SOCS4: variants seen among roughly 807,000 people sequenced by gnomAD.
SOCS4 encodes the protein SH2 domain containing SOCS box protein.
Under a neutral mutation model 34.1 loss-of-function variants are expected in SOCS4, and 20 were observed. The observed-to-expected ratio is 0.59, with a 90% CI of 0.41 to 0.85. SOCS4 has a LOEUF of 0.85. Among genes scored for constraint, SOCS4 ranks in the 40% least tolerant of loss-of-function variants. SOCS4 has a pLI of 0.00. For missense variants in SOCS4, 479 were observed against 532.4 expected (o/e 0.90, Z 0.99); for synonymous variants, 180 against 186.4 (o/e 0.97, Z 0.28).
rs756479931 is a variant in SOCS4, at chr14:55,043,488, A to G, written c.447A>G (p.Arg149=). Residue 149 remains arginine, a synonymous_variant, in exon 3 of 3, where the codon CGA becomes CGG. Transcript: ENST00000555846. ...CCTTTAGGTGGCATTTTATTAAACG[A>G]CACACTGCTCCTATAAATTCCAAAT... ...DLAFRWHFIK[R]HTAPINSKSD... 1 of 1,614,194 alleles carries G rather than the reference A, an allele frequency of 6.2e-7. No individual in the cohort carries two copies. Among genetic ancestry groups the G allele is most frequent in the Non-Finnish European group, 8.5e-7 (1 of 1,180,040 alleles).
chr14:55,043,730 C>G lies in SOCS4; in HGVS notation c.689C>G (p.Ser230Cys), dbSNP rs1328144796. Residue 230 changes from serine to cysteine, a missense_variant, in exon 3 of 3, where the codon TCC (serine) becomes TGC (cysteine). Transcript: ENST00000555846. ...AGTATAGAAGATAGTGATATGGATT[C>G]CGATGATGAAATTCTAACACTTTGC... The part of the protein sequence containing the change: ...NNSIEDSDMD[S>C]DDEILTLCTS... 2 of 1,613,902 alleles carry G rather than the reference C, an allele frequency of 1.2e-6. No individual in the cohort carries two copies. The highest frequency in any genetic ancestry group is 2.7e-5 in the African/African-American group (2 of 74,874).
chr14:55,028,484 A>G (rs949469309), intron 1 of SOCS4, among the ~76,000 whole-genome samples: 5 of 152,084 alleles, frequency 3.3e-5, no homozygotes, highest in Admixed American at 1.3e-4. Flanking sequence ...TCAAGTAACA[A>G]TATCATTGGC....
At chr14:55,036,332 G>C (rs2042572093) in intron 2 of SOCS4, among the ~76,000 whole-genome samples, 1 of 151,786 alleles carries the variant, frequency 6.6e-6, no homozygotes, top group Admixed American at 6.6e-5. Flanking sequence ...TTTAGTCCTG[G>C]GACATTTTCT....
intron 2 of SOCS4, among the ~76,000 whole-genome samples, chr14:55,038,865 T>TA (rs1388276656): frequency 6.6e-6 from 1 of 152,254 alleles, no homozygotes; most frequent in Non-Finnish European, 1.5e-5. Context: ...TTATCTGTGT[T>TA]ACCTCTGTGC....
Position 55,043,734 on chromosome 14 carries a change from T to C in SOCS4, c.693T>C (p.Asp231=). 4.3e-6 allele frequency: 7 copies of C among 1,614,110 alleles called. No homozygotes were observed. The South Asian group carries it at 5.5e-5, about 13-fold the overall frequency. Residue 231 remains aspartate, a synonymous_variant, in exon 3 of 3, where the codon GAT becomes GAC. Transcript: ENST00000555846. ...TAGAAGATAGTGATATGGATTCCGA[T>C]GATGAAATTCTAACACTTTGCACAA... ...NSIEDSDMDS[D]DEILTLCTSS... is the part of the protein sequence containing the mutation.
intron 2 of SOCS4, among the ~76,000 whole-genome samples, chr14:55,042,468 AT>A (rs2042629196): frequency 6.6e-6 from 1 of 152,174 alleles, no homozygotes; most frequent in Non-Finnish European, 1.5e-5. Flanking sequence ...AATTGTTCAT[AT>A]TTTAATCAGT....
At position 55,027,341 on chromosome 14, in the gene SOCS4, G is replaced by GGCGAC; in HGVS notation, c.-350_-349insGCGAC. ...GGTTGGGGGTGGCAGAAAAGCATCT[G>GGCGAC]CTTTGTAAGACCTACACGAGGTGCA... On this transcript the variant is annotated 5_prime_UTR_variant, in exon 1 of 3. An upstream open reading frame in the 5' UTR loses its in-frame stop. Transcript: ENST00000555846. 1 of 183,598 alleles carries GGCGAC rather than the reference G, an allele frequency of 5.4e-6. No individual in the cohort carries two copies. Among genetic ancestry groups the GGCGAC allele is most frequent in the Non-Finnish European group, 1.2e-5 (1 of 85,642 alleles). The allele number at this position is 183,598 out of a possible 1,614,324, so 11.4% of individuals were successfully genotyped here.
rs750572688 is a variant in SOCS4 at position 55,043,205 on chromosome 14, T to C, written c.164T>C (p.Ile55Thr). The stretch of plus-strand genomic sequence containing the variant: ...TCAGATGCTGAGACAGTGAATGGTA[T>C]AGAGAAAACCGAAGTGTCTTTAAGG... ...SYSDAETVNG[I>T]EKTEVSLRNQ... Residue 55 changes from isoleucine (I) to threonine (T), a missense_variant, in exon 3 of 3, where the codon ATA (isoleucine) becomes ACA (threonine). Coordinates refer to ENST00000555846, the MANE Select transcript of SOCS4 (RefSeq NM_199421.2). 5.0e-6 allele frequency: 8 copies of C among 1,614,218 alleles called. No individual in the cohort carries two copies. The South Asian group carries it at 6.6e-5, about 13-fold the overall frequency.
chr14:55,033,533 T>C (rs1187873), intron 2 of SOCS4, among the ~76,000 whole-genome samples: 38,933 of 152,108 alleles, frequency 0.26, 5,455 homozygotes, highest in African/African-American at 0.38. Flanking sequence ...ATTGTTAAGA[T>C]GTTACCTATG....
intron 2 of SOCS4, among the ~76,000 whole-genome samples, chr14:55,037,694 G>A (rs1030794435): frequency 1.4e-4 from 21 of 151,786 alleles, no homozygotes; most frequent in African/African-American, 4.8e-4. Context: ...GGGTTTCACT[G>A]TGTTGGCCAA....
rs2042664281 is a variant in SOCS4 at position 55,045,232 on chromosome 14, G to A, written c.*868G>A. The A allele has an allele frequency of 6.0e-6, 1 of 166,848 alleles. No homozygotes were observed. Among genetic ancestry groups the A allele is most frequent in the South Asian group, 2.1e-4 (1 of 4,824 alleles). 10.3% of individuals were successfully genotyped at this position (166,848 alleles called of 1,614,324 possible). ...TACTAAAGTGCTAAAGTAATTGTGG[G>A]GTTTTTCTGTATTAGCTTATGAACT... is the stretch of plus-strand genomic sequence containing the variant. On this transcript the variant is annotated 3_prime_UTR_variant, in exon 3 of 3. Transcript: ENST00000555846.
At chr14:55,027,824 G>C (rs372590430) in intron 1 of SOCS4, 2 of 152,224 alleles carry the variant, frequency 1.3e-5, no homozygotes, top group African/African-American at 4.8e-5. Flanking sequence ...TATGAAGAAA[G>C]TAACTTGTGT....
chr14:55,048,414 G>A lies in SOCS4; in HGVS notation c.*4050G>A, dbSNP rs972168222. The stretch of plus-strand genomic sequence containing the variant: ...AGCAAAATAGCCTGTGTAATGTTAG[G>A]TAATGTAATGCCCAAGTGAATAAAA... On this transcript the variant is annotated 3_prime_UTR_variant, in exon 3 of 3. Transcript: ENST00000555846. 6.0e-6 allele frequency: 1 copy of A among 167,060 alleles called. No individual in the cohort carries two copies. Among genetic ancestry groups the A allele is most frequent in the African/African-American group, 2.4e-5 (1 of 41,466 alleles). 10.3% of individuals were successfully genotyped at this position (167,060 alleles called of 1,614,324 possible). A position where few individuals can be genotyped will look rare whatever the true frequency, so the allele number is the denominator to read the frequency against.
intron 1 of SOCS4, among the ~76,000 whole-genome samples, chr14:55,031,253 A>T (rs1466715358): frequency 1.3e-5 from 2 of 152,128 alleles, no homozygotes; most frequent in Admixed American, 1.3e-4. Flanking sequence ...TCTTCACTCT[A>T]GATTAGCCCC....
chr14:55,028,054 C>T (rs1011222128), intron 1 of SOCS4, among the ~76,000 whole-genome samples: 5 of 152,180 alleles, frequency 3.3e-5, no homozygotes, highest in African/African-American at 9.7e-5. Flanking sequence ...TTCATTTGTA[C>T]TTATCTTTGA....
Position 55,044,380 on chromosome 14 carries a change from A to T in SOCS4, c.*16A>T, listed in dbSNP as rs374732162. 1.7e-5 allele frequency: 25 copies of T among 1,472,882 alleles called. No homozygotes were observed. The East Asian group carries it at 2.1e-4, about 12-fold the overall frequency. The allele number at this position is 1,472,882 out of a possible 1,614,324, so 91.2% of individuals were successfully genotyped here. ...GCAATGCTAGTAACAGGATGGGAAC[A>T]TGGGAATGATAATATATATTTTTTC... On this transcript the variant is annotated 3_prime_UTR_variant, in exon 3 of 3. Transcript: ENST00000555846.
At chr14:55,033,609 A>G (rs920352056) in intron 2 of SOCS4, among the ~76,000 whole-genome samples, 2 of 152,250 alleles carry the variant, frequency 1.3e-5, no homozygotes, top group African/African-American at 4.8e-5. Flanking sequence ...GTAGCTTCTG[A>G]GAGCCACTTG....
At chr14:55,041,855 A>G (rs982545484) in intron 2 of SOCS4, among the ~76,000 whole-genome samples, 2 of 128,930 alleles carry the variant, frequency 1.6e-5, no homozygotes, top group South Asian at 2.5e-4. Flanking sequence ...GCCGTGGCGC[A>G]GTCTTGGTTC....
At chr14:55,034,071 T>G (rs1446567598) in intron 2 of SOCS4, among the ~76,000 whole-genome samples, 2 of 152,016 alleles carry the variant, frequency 1.3e-5, no homozygotes, top group African/African-American at 4.8e-5. Context: ...GAGGTGGAGG[T>G]GCAGTGAGCC....
Sources: gnomAD v4.1 joint callset for allele counts (sites outside exome capture counted in the v4.1 genomes callset) on GRCh38, gnomAD v4.1.1 for gene constraint, MANE v1.5 for transcripts, NCBI Gene and HGNC (gene_info 2026-07-23, HGNC 2026-07-21) for gene names.